The following IL1RAPL1 variants were observed in gnomAD, a reference collection of about 807,000 sequenced individuals.
IL1RAPL1 encodes interleukin-1 receptor accessory protein-like 1.
IL1RAPL1 carries 3 observed loss-of-function variants against 48.4 expected under a neutral mutation model. The ratio of observed to expected loss-of-function variants is 0.06; its 90% CI spans 0.03 to 0.16. The LOEUF (loss-of-function observed/expected upper bound fraction) is 0.16, where lower values mean the gene tolerates loss of function less well. Among genes scored for constraint, IL1RAPL1 ranks in the 10% least tolerant of loss-of-function variants. The probability of loss-of-function intolerance (pLI) is 1.00; values close to 1 mark genes in which losing one functional copy is unlikely to be tolerated. For missense variants in IL1RAPL1, 349 were observed against 530.6 expected (o/e 0.66, Z 3.36); for synonymous variants, 185 against 187.7 (o/e 0.99, Z 0.12).
chrX:28,986,416 A>T (rs1233754797), intron 2 of IL1RAPL1, among the ~76,000 whole-genome samples: 1 of 112,423 alleles, frequency 8.9e-6, no homozygotes, highest in Non-Finnish European at 1.9e-5. Context: ...TACCTAATAG[A>T]GTAGAGGTTA....
intron 5 of IL1RAPL1, among the ~76,000 whole-genome samples, chrX:29,560,899 TTTG>T (rs1165123046): frequency 1.8e-5 from 2 of 112,179 alleles, no homozygotes; most frequent in Non-Finnish European, 3.8e-5. Context: ...GTGAGTTGTT[TTTG>T]TTGTGTTATG....
intron 6 of IL1RAPL1, among the ~76,000 whole-genome samples, chrX:29,791,839 T>G (rs781091703): frequency 1.6e-3 from 171 of 108,749 alleles, no homozygotes; most frequent in Non-Finnish European, 3.0e-3. Context: ...CAAGCAGTTC[T>G]TCTGCCTCAG....
chrX:29,798,877 G>T (rs1394922513), intron 6 of IL1RAPL1, among the ~76,000 whole-genome samples: 1 of 112,088 alleles, frequency 8.9e-6, no homozygotes, highest in African/African-American at 3.2e-5. Context: ...TGCTTTATAA[G>T]GCCACAGAAC....
chrX:28,729,475 A>G (rs778505335), intron 1 of IL1RAPL1, among the ~76,000 whole-genome samples: 1 of 111,742 alleles, frequency 8.9e-6, no homozygotes, highest in East Asian at 2.8e-4. Context: ...ATGATGAATT[A>G]TTAAAGATAA....
At chrX:29,559,908 T>C (rs751371423) in intron 5 of IL1RAPL1, among the ~76,000 whole-genome samples, 1 of 111,982 alleles carries the variant, frequency 8.9e-6, no homozygotes, top group Admixed American at 9.5e-5. Context: ...CTTTTAACTT[T>C]TATATTGGAG....
At chrX:29,665,401 A>G (rs1925972599) in intron 5 of IL1RAPL1, among the ~76,000 whole-genome samples, 1 of 112,739 alleles carries the variant, frequency 8.9e-6, no homozygotes, top group South Asian at 3.6e-4. Flanking sequence ...CAGTGCAGAA[A>G]ATAAAGAGGG....
At chrX:28,768,765 A>C (rs1290854224) in intron 1 of IL1RAPL1, among the ~76,000 whole-genome samples, 56 of 80,220 alleles carry the variant, frequency 7.0e-4, no homozygotes, top group African/African-American at 2.3e-3. Context: ...CTATATATAT[A>C]TATATATATA....
intron 5 of IL1RAPL1, among the ~76,000 whole-genome samples, chrX:29,664,403 CAAAAAAAAAAA>C (rs569100581): frequency 0.018 from 719 of 40,734 alleles, 9 homozygotes; most frequent in African/African-American, 0.056. Flanking sequence ...GACTCCGTCT[CAAAAAAAAAAA>C]AAAAAAAAAG....
intron 2 of IL1RAPL1, among the ~76,000 whole-genome samples, chrX:29,078,198 G>A (rs1012990629): frequency 8.9e-6 from 1 of 111,874 alleles, no homozygotes; most frequent in Admixed American, 9.4e-5. Context: ...CTTGAACCTG[G>A]GAGGTGGAGG....
intron 3 of IL1RAPL1, among the ~76,000 whole-genome samples, chrX:29,377,971 CTCT>C (rs1482878954): frequency 9.2e-6 from 1 of 109,129 alleles, no homozygotes; most frequent in Non-Finnish European, 1.9e-5. Context: ...TGCTTATTCT[CTCT>C]TCTTCTCTCT....
At chrX:28,601,923 G>A (rs1320967367) in intron 1 of IL1RAPL1, among the ~76,000 whole-genome samples, 1 of 109,662 alleles carries the variant, frequency 9.1e-6, no homozygotes. Context: ...TGGTCAACAT[G>A]GTGAAACCCC....
chrX:28,867,059 G>T (rs139325860), intron 2 of IL1RAPL1, among the ~76,000 whole-genome samples: 1,251 of 109,902 alleles, frequency 0.011, 3 homozygotes, highest in Middle Eastern at 0.067. Context: ...AGAGCAAAAG[G>T]TATGAAATAT....
chrX:29,482,651 T>G (rs949112074), intron 5 of IL1RAPL1, among the ~76,000 whole-genome samples: 1 of 112,393 alleles, frequency 8.9e-6, no homozygotes, highest in Non-Finnish European at 1.9e-5. Context: ...TAGAATTTCA[T>G]TTTGTGGATA....
intron 1 of IL1RAPL1, among the ~76,000 whole-genome samples, chrX:28,652,321 A>T (rs765609774): frequency 1.8e-5 from 2 of 111,153 alleles, no homozygotes; most frequent in South Asian, 7.7e-4. Flanking sequence ...GCACACACAG[A>T]GTGTATTGAA....
chrX:28,817,576 G>C (rs759652479), intron 2 of IL1RAPL1, among the ~76,000 whole-genome samples: 17 of 111,363 alleles, frequency 1.5e-4, no homozygotes, highest in Non-Finnish European at 3.0e-4. Flanking sequence ...GCACAGAATA[G>C]ATAAGTAAAT....
chrX:28,726,015 A>G (rs1184785275), intron 1 of IL1RAPL1, among the ~76,000 whole-genome samples: 1 of 112,542 alleles, frequency 8.9e-6, no homozygotes, highest in African/African-American at 3.2e-5. Context: ...TATTTATGAC[A>G]ATGAAATAAT....
intron 2 of IL1RAPL1, among the ~76,000 whole-genome samples, chrX:28,845,132 T>TGC (rs1921475207): frequency 9.0e-6 from 1 of 111,654 alleles, no homozygotes; most frequent in Non-Finnish European, 1.9e-5. Flanking sequence ...GTCATGTTAT[T>TGC]ATAAGTGCAT....
chrX:29,122,285 AATAG>A (rs1271465473), intron 2 of IL1RAPL1, among the ~76,000 whole-genome samples: 1 of 111,099 alleles, frequency 9.0e-6, no homozygotes, highest in Non-Finnish European at 1.9e-5. Flanking sequence ...AACCTGTATT[AATAG>A]ATTAGATGAA....
chrX:29,236,380 G>A (rs893567033), intron 2 of IL1RAPL1, among the ~76,000 whole-genome samples: 1 of 110,493 alleles, frequency 9.1e-6, no homozygotes, highest in African/African-American at 3.3e-5. Flanking sequence ...AGAAAATTGA[G>A]CTCTCTTCTG....
Sources: allele counts gnomAD v4.1 joint callset (sites outside exome capture counted in the v4.1 genomes callset), GRCh38; gene constraint gnomAD v4.1.1; transcripts MANE v1.5; gene names NCBI Gene and HGNC (gene_info 2026-07-23, HGNC 2026-07-21).